Variants in LHFPL3 observed in about 807,000 individuals in gnomAD.
LHFPL3 encodes LHFPL tetraspan subfamily member 3 protein.
A neutral mutation model predicts 19.3 loss-of-function variants in LHFPL3; 5 were observed. That is an observed-to-expected ratio of 0.26 (90% confidence interval 0.14 to 0.54). The LOEUF (loss-of-function observed/expected upper bound fraction) is 0.54. Among genes scored for constraint, LHFPL3 ranks in the 20% least tolerant of loss-of-function variants. The pLI, the probability that LHFPL3 is intolerant of heterozygous loss-of-function variation, is 0.94. For missense variants in LHFPL3, 249 were observed against 307.4 expected, an observed-to-expected ratio of 0.81 and a Z score of 1.42; for synonymous variants, 133 against 126.2, an observed-to-expected ratio of 1.05 and a Z score of -0.36.
At chr7:104,797,083 C>T (rs1790149233) in intron 2 of LHFPL3, 1 of 152,330 alleles carries the variant, frequency 6.6e-6, no homozygotes. Context: ...GGCTTAAGTG[C>T]ATCAAAGTCC....
chr7:104,424,691 C>A (rs1791802803), intron 1 of LHFPL3, among the ~76,000 whole-genome samples: 1 of 152,102 alleles, frequency 6.6e-6, no homozygotes, highest in African/African-American at 2.4e-5. Context: ...GCTCCCCTTC[C>A]TAAAGAAGTA....
At chr7:104,543,662 G>A (rs915265586) in intron 1 of LHFPL3, among the ~76,000 whole-genome samples, 4 of 148,778 alleles carry the variant, frequency 2.7e-5, no homozygotes, top group African/African-American at 1.0e-4. Context: ...ACTATCGCAA[G>A]GACAAAAAAA....
At chr7:104,884,359 G>A (rs1269544260) in intron 2 of LHFPL3, among the ~76,000 whole-genome samples, 1 of 152,052 alleles carries the variant, frequency 6.6e-6, no homozygotes, top group African/African-American at 2.4e-5. Flanking sequence ...CCCTCTGACC[G>A]CTCCCCTGTC....
intron 1 of LHFPL3, among the ~76,000 whole-genome samples, chr7:104,688,102 A>C (rs1792840574): frequency 6.6e-6 from 1 of 152,218 alleles, no homozygotes; most frequent in African/African-American, 2.4e-5. Flanking sequence ...GATTTGATTC[A>C]CCATTCATGA....
chr7:104,566,266 G>T (rs1790122203), intron 1 of LHFPL3, among the ~76,000 whole-genome samples: 1 of 152,126 alleles, frequency 6.6e-6, no homozygotes, highest in African/African-American at 2.4e-5. Flanking sequence ...TAAGAAGATT[G>T]CTTGAGCCCA....
rs1289586889 is a variant in LHFPL3 at position 104,547,093 on chromosome 7, G to A, written c.446-189582G>A. Among the ~76,000 whole-genome samples the A allele has an allele frequency of 9.2e-5, 7 of 76,400 alleles. 3 individuals carry two copies. The highest frequency in any genetic ancestry group is 2.2e-4 in the African/African-American group (5 of 22,728). 50.1% of individuals were successfully genotyped at this position (76,400 alleles called of 152,430 possible). ...CTACTAAAAATACAAAAAATTAGCC[G>A]GGCGCGGTGGCGGGCGCCTGTAGTC... is the stretch of plus-strand genomic sequence containing the variant. On this transcript the variant is annotated intron_variant, in intron 1 of 2. Coordinates refer to ENST00000424859, the MANE Select transcript of LHFPL3 (RefSeq NM_199000.3).
chr7:104,504,340 T>A (rs530583418), intron 1 of LHFPL3, among the ~76,000 whole-genome samples: 61 of 152,350 alleles, frequency 4.0e-4, no homozygotes, highest in African/African-American at 1.4e-3. Flanking sequence ...AAACAGGATT[T>A]CCCAGGATTT....
chr7:104,474,840 GTTC>G (rs1174169605), intron 1 of LHFPL3, among the ~76,000 whole-genome samples: 1 of 152,092 alleles, frequency 6.6e-6, no homozygotes, highest in Admixed American at 6.5e-5. Flanking sequence ...GAGAAGGTGG[GTTC>G]TTCTTAGTGA....
Position 104,590,363 on chromosome 7 carries a change from A to G in LHFPL3, c.446-146312A>G, listed in dbSNP as rs190131863. Reference sequence around the variant, plus strand: ...ACATCTTTATTTCTGCCTTCATTTCATTATGTACCCAGTAGTCATTCAGGA... The same window carrying G: ...ACATCTTTATTTCTGCCTTCATTTCGTTATGTACCCAGTAGTCATTCAGGA... On this transcript the variant is annotated intron_variant, in intron 1 of 2. Transcript: ENST00000424859. Among the ~76,000 whole-genome samples, 211 of 152,078 alleles carry G rather than the reference A, an allele frequency of 1.4e-3. 3 individuals are homozygous for G. In the East Asian group the frequency reaches 0.026, roughly 19 times the overall value.
At position 104,467,159 on chromosome 7, in the gene LHFPL3, C is replaced by T. The variant is rs905394304; in HGVS notation, c.445+137935C>T. Reference sequence around the variant, plus strand: ...CAAGACAGGGCATAGTCAGTGACATCGAGTTTATTGTTCTCTGGTGGTGTT... The same window carrying T: ...CAAGACAGGGCATAGTCAGTGACATTGAGTTTATTGTTCTCTGGTGGTGTT... On this transcript the variant is annotated intron_variant, in intron 1 of 2. Transcript: ENST00000424859. Among the ~76,000 whole-genome samples the T allele has an allele frequency of 3.9e-5, 6 of 152,204 alleles. No individual in the cohort carries two copies. The East Asian group carries it at 7.7e-4, about 20-fold the overall frequency.
At chr7:104,845,266 T>C in intron 2 of LHFPL3, 1 of 705,114 alleles carries the variant, frequency 1.4e-6, no homozygotes, top group Non-Finnish European at 2.5e-6. Context: ...AGTATGTCTC[T>C]GCACACCGTC....
chr7:104,519,978 C>T (rs930913159), intron 1 of LHFPL3, among the ~76,000 whole-genome samples: 7 of 151,806 alleles, frequency 4.6e-5, no homozygotes, highest in African/African-American at 4.8e-5. Flanking sequence ...ATCAACACAC[C>T]GAGAAAAGAA....
chr7:104,830,474 T>TGTAA (rs1394251885), intron 2 of LHFPL3, among the ~76,000 whole-genome samples: 1 of 151,926 alleles, frequency 6.6e-6, no homozygotes, highest in African/African-American at 2.4e-5. Context: ...AGGTCTAACA[T>TGTAA]GTAAGTCTTT....
At chr7:104,505,826 G>T (rs1793687265) in intron 1 of LHFPL3, among the ~76,000 whole-genome samples, 2 of 152,108 alleles carry the variant, frequency 1.3e-5, no homozygotes, top group Admixed American at 1.3e-4. Context: ...TTAATGAGAA[G>T]TATTTAAAAA....
chr7:104,365,500 G>A (rs1381344911), intron 1 of LHFPL3, among the ~76,000 whole-genome samples: 1 of 151,318 alleles, frequency 6.6e-6, no homozygotes, highest in African/African-American at 2.4e-5. Context: ...GAAAAGCCTC[G>A]GCCGGGCGCG....
intron 1 of LHFPL3, among the ~76,000 whole-genome samples, chr7:104,733,314 G>T (rs1358472261): frequency 1.3e-5 from 2 of 152,078 alleles, no homozygotes; most frequent in Admixed American, 1.3e-4. Context: ...CTAATGTAGA[G>T]AGTGGGGTGT....
At chr7:104,394,645 A>T (rs1174333510) in intron 1 of LHFPL3, among the ~76,000 whole-genome samples, 1 of 152,070 alleles carries the variant, frequency 6.6e-6, no homozygotes, top group Admixed American at 6.5e-5. Flanking sequence ...CTTTTTAAAC[A>T]TTCTGGTTAG....
At chr7:104,739,515 T>C (rs1020486270) in intron 2 of LHFPL3, among the ~76,000 whole-genome samples, 5 of 152,224 alleles carry the variant, frequency 3.3e-5, no homozygotes, top group African/African-American at 7.2e-5. Context: ...TGTAATTAAT[T>C]ATATATAAAT....
chr7:104,330,197 C>T (rs1474482372), intron 1 of LHFPL3, among the ~76,000 whole-genome samples: 1 of 152,224 alleles, frequency 6.6e-6, no homozygotes, highest in African/African-American at 2.4e-5. Flanking sequence ...GATTGCCTCT[C>T]TGCCAGCCAG....
Sources: gnomAD v4.1 joint callset for allele counts (sites outside exome capture counted in the v4.1 genomes callset) on GRCh38, gnomAD v4.1.1 for gene constraint, MANE v1.5 for transcripts, NCBI Gene and HGNC (gene_info 2026-07-23, HGNC 2026-07-21) for gene names.